Variants in LPP observed in about 807,000 individuals in gnomAD.
The protein encoded by LPP is lipoma-preferred partner.
LPP carries 38 observed loss-of-function variants against 60.4 expected under a neutral mutation model. The observed-to-expected ratio is 0.63, with a 90% CI of 0.49 to 0.83. The LOEUF (loss-of-function observed/expected upper bound fraction) is 0.83. Among genes scored for constraint, LPP ranks in the 40% least tolerant of loss-of-function variants. LPP has a pLI of 0.00. For missense variants in LPP, 902 were observed against 783.6 expected (o/e 1.15, Z -1.80); for synonymous variants, 328 against 290.8 (o/e 1.13, Z -1.30).
rs144155604 is a variant in LPP at position 188,609,418 on chromosome 3, G to A, written c.687G>A (p.Gln229=). The A allele has an allele frequency of 6.2e-6, 10 of 1,614,008 alleles. No individual in the cohort carries two copies. The Admixed American group carries it at 1.0e-4, about 16-fold the overall frequency. ...TTAATGTGCAGGTGAAGTCAGCCCA[G>A]CCCAGCCCTCATTATATGGCTGCCC... ...PTFNVQVKSA[Q]PSPHYMAAPS... Residue 229 remains glutamine (Q), a synonymous_variant, in exon 7 of 12, where the codon CAG becomes CAA. Transcript: ENST00000617246. The surrounding 1 kb of genome is among the most constrained non-coding windows in gnomAD (Gnocchi z 6.9).
chr3:188,157,796 G>A (rs1392765822), intron 1 of LPP, among the ~76,000 whole-genome samples: 1 of 151,976 alleles, frequency 6.6e-6, no homozygotes, highest in African/African-American at 2.4e-5. Flanking sequence ...AACCACTATA[G>A]AGAGGGGGGT....
chr3:188,706,187 T>C (rs1865444428), intron 7 of LPP, among the ~76,000 whole-genome samples: 1 of 152,214 alleles, frequency 6.6e-6, no homozygotes, highest in Admixed American at 6.5e-5. Context: ...TGCTAATAAA[T>C]AAGTCAGTCA....
chr3:188,816,860 C>T (rs147140813), intron 9 of LPP, among the ~76,000 whole-genome samples: 53 of 152,256 alleles, frequency 3.5e-4, no homozygotes, highest in African/African-American at 1.3e-3. Flanking sequence ...GTGCTAAGCA[C>T]CGAATAGGAA....
chr3:188,254,454 A>G (rs906556330), intron 2 of LPP, among the ~76,000 whole-genome samples: 3 of 152,208 alleles, frequency 2.0e-5, no homozygotes, highest in African/African-American at 7.2e-5. Flanking sequence ...ACTGGCTTGC[A>G]TTAATTGATG....
At chr3:188,293,450 A>G (rs142941240) in intron 2 of LPP, among the ~76,000 whole-genome samples, 1 of 152,374 alleles carries the variant, frequency 6.6e-6, no homozygotes, top group African/African-American at 2.4e-5. Flanking sequence ...TTAGGTTATA[A>G]GGTACTGCCA....
In LPP at chr3:188,629,726, A is replaced by T. The variant is rs547770111; in HGVS notation, c.1113+19882A>T. ...TTATCTTTCACAGAATTAGAAAAAA[A>T]AAATATTGTAAAATTCATATGGAAC... On this transcript the variant is annotated intron_variant, in intron 7 of 11. Coordinates refer to ENST00000617246, the MANE Select transcript of LPP (RefSeq NM_001375462.1). Among the ~76,000 whole-genome samples the T allele has an allele frequency of 9.2e-5, 14 of 152,272 alleles. No homozygotes were observed. The South Asian group carries it at 2.5e-3, about 27-fold the overall frequency.
chr3:188,376,864 T>G (rs533185965), intron 3 of LPP, among the ~76,000 whole-genome samples: 4 of 152,342 alleles, frequency 2.6e-5, no homozygotes, highest in African/African-American at 9.6e-5. Flanking sequence ...TTTCCAGGTT[T>G]AGTGCTTTCT....
intron 1 of LPP, among the ~76,000 whole-genome samples, chr3:188,185,506 A>C (rs1251847430): frequency 6.6e-6 from 1 of 151,254 alleles, no homozygotes; most frequent in Non-Finnish European, 1.5e-5. Flanking sequence ...TTTTCCCCCT[A>C]TATACCCCAC....
chr3:188,219,286 C>G (rs1476985046), intron 1 of LPP, among the ~76,000 whole-genome samples: 2 of 152,224 alleles, frequency 1.3e-5, no homozygotes, highest in East Asian at 1.9e-4. Flanking sequence ...GGGTCAAGCA[C>G]AGTTCCTTTT....
chr3:188,611,262 T>C (rs1843663383), intron 7 of LPP, among the ~76,000 whole-genome samples: 1 of 152,198 alleles, frequency 6.6e-6, no homozygotes, highest in African/African-American at 2.4e-5. Flanking sequence ...CAAATTAGAA[T>C]TTTAAATGAT....
intron 9 of LPP, among the ~76,000 whole-genome samples, chr3:188,803,096 G>A (rs1446189003): frequency 7.1e-6 from 1 of 139,916 alleles, no homozygotes; most frequent in African/African-American, 2.7e-5. Context: ...TCAGGCTAGA[G>A]TGTAGTGGCA....
At chr3:188,293,257 T>C (rs1234233058) in intron 2 of LPP, among the ~76,000 whole-genome samples, 1 of 152,222 alleles carries the variant, frequency 6.6e-6, no homozygotes, top group Admixed American at 6.5e-5. Flanking sequence ...GTGGTTTTTC[T>C]TGAGAGAGAG....
rs189028810 is a variant in LPP, at chr3:188,282,224, A to C, written c.-67+56697A>C. ...TATGGGGCTCAGTGGCCAGGCGTTT[A>C]CATAATATTGTGGGTCCTTGAAACA... On this transcript the variant is annotated intron_variant, in intron 2 of 11. Coordinates refer to ENST00000617246, the MANE Select transcript of LPP (RefSeq NM_001375462.1). Among the ~76,000 whole-genome samples the C allele has an allele frequency of 1.5e-3, 226 of 150,820 alleles. 1 individual carries two copies. Among genetic ancestry groups the C allele is most frequent in the Admixed American group, 1.4e-3 (22 of 15,182 alleles).
intron 7 of LPP, among the ~76,000 whole-genome samples, chr3:188,615,121 T>C (rs1259412002): frequency 6.6e-6 from 1 of 152,248 alleles, no homozygotes; most frequent in Non-Finnish European, 1.5e-5. Flanking sequence ...TACCTTATCA[T>C]TAATTGCCTT....
rs1223244009 is a variant in LPP, at chr3:188,810,209, T to G, written c.1410+49927T>G. ...GTTAATAACTGTAGTTTTTTTTTTC[T>G]GTTACCAATAGTATGGCATTCAGAG... On this transcript the variant is annotated intron_variant, in intron 9 of 11. Transcript: ENST00000617246. 2.6e-5 allele frequency among the ~76,000 whole-genome samples: 4 copies of G among 152,230 alleles called. No homozygotes were observed. In the East Asian group the frequency reaches 7.7e-4, roughly 29 times the overall value.
intron 4 of LPP, among the ~76,000 whole-genome samples, chr3:188,438,340 A>G (rs1560404877): frequency 1.4e-5 from 2 of 144,362 alleles, no homozygotes; most frequent in Non-Finnish European, 3.0e-5. Flanking sequence ...TGTTCCAGAC[A>G]CTATTCCATG....
chr3:188,207,212 C>CTTTTTTTTTTTTTTTTT (rs5855184), intron 1 of LPP, among the ~76,000 whole-genome samples: 1 of 129,334 alleles, frequency 7.7e-6, no homozygotes. Flanking sequence ...TACACATTTT[C>CTTTTTTTTTTTTTTTTT]TTTTTTTTTT....
chr3:188,184,997 T>C (rs1726168354), intron 1 of LPP, among the ~76,000 whole-genome samples: 1 of 152,114 alleles, frequency 6.6e-6, no homozygotes, highest in Non-Finnish European at 1.5e-5. Context: ...GTGTGAAATT[T>C]TGGAAATCCC....
At chr3:188,371,316 A>G (rs1297477898) in intron 3 of LPP, among the ~76,000 whole-genome samples, 1 of 151,912 alleles carries the variant, frequency 6.6e-6, no homozygotes, top group East Asian at 1.9e-4. Context: ...ATTATTAGAT[A>G]TTATCTACAC....
Sources: allele counts gnomAD v4.1 joint callset (sites outside exome capture counted in the v4.1 genomes callset), GRCh38; gene constraint gnomAD v4.1.1; non-coding constraint Gnocchi (gnomAD v3.1); transcripts MANE v1.5; gene names NCBI Gene and HGNC (gene_info 2026-07-23, HGNC 2026-07-21).